The following LY6H variants were observed in gnomAD, a reference collection of about 807,000 sequenced individuals.
The protein encoded by LY6H is lymphocyte antigen 6 family member H.
In LY6H, 8 loss-of-function variants were observed where a neutral mutation model predicts 14.6. That is an observed-to-expected ratio of 0.55 (90% CI 0.32 to 0.99). LY6H has a LOEUF of 0.99. LY6H is among the 50% of genes least tolerant of loss of function. The pLI is 0.04. For synonymous variants in LY6H, 115 were observed against 97.2 expected (o/e 1.18, Z -1.08); for missense variants, 196 against 219.6 (o/e 0.89, Z 0.68).
chr8:143,158,348 A>G lies in LY6H; in HGVS notation c.388T>C (p.Leu130=), dbSNP rs1350621875. Residue 130 remains leucine (L), a synonymous_variant, in exon 4 of 4, where the codon TTG becomes CTG. Coordinates refer to ENST00000342752, the MANE Select transcript of LY6H (RefSeq NM_001135655.2). ...CCTGCCCCTGCCGCCCCATTGCACA[A>G]ATCCTTCTCGCAGCAGTCCACGTCG... ...KVDVDCCEKD[L]CNGAAGAGHS... The G allele has an allele frequency of 6.2e-7, 1 of 1,613,898 alleles. No individual in the cohort carries two copies. Among genetic ancestry groups the G allele is most frequent in the South Asian group, 1.1e-5 (1 of 91,088 alleles).
intron 1 of LY6H, 179 bp from the exon 2 acceptor site, chr8:143,159,888 C>T: frequency 8.7e-7 from 1 of 1,154,924 alleles, no homozygotes; most frequent in Middle Eastern, 3.2e-4. Flanking sequence ...GACGTCTGGC[C>T]TCTGGGGCGA....
chr8:143,159,950 G>A, intron 1 of LY6H: 2 of 1,239,020 alleles, frequency 1.6e-6, no homozygotes, highest in Non-Finnish European at 2.0e-6. Context: ...GTGGGGGAGC[G>A]GATGGGGGGC....
intron 1 of LY6H, 38 bp downstream of exon 1, chr8:143,160,160 C>G: frequency 7.9e-7 from 1 of 1,273,298 alleles, no homozygotes; most frequent in Non-Finnish European, 9.9e-7. Context: ...GCGGATGGGG[C>G]GTGGAGCGCG....
rs1274865717 is a variant in LY6H, at chr8:143,159,668, G to A, written c.44C>T (p.Ala15Val). Reference protein sequence around the residue: ...QRTRAPSPRAAPRPTRSMLPA... With the variant: ...QRTRAPSPRAVPRPTRSMLPA... Reference sequence around the variant, plus strand: ...CAGCATGCTCCGGGTGGGCCTGGGGGCGGCGCGGGGGCTTGGGGCGCGGGT... The same window carrying A: ...CAGCATGCTCCGGGTGGGCCTGGGGACGGCGCGGGGGCTTGGGGCGCGGGT... The change falls in exon 2 of 4, where the codon GCC becomes GTC. Residue 15 changes from alanine (A) to valine (V), a missense_variant. Transcript: ENST00000342752. 4 of 1,404,646 alleles carry A rather than the reference G, an allele frequency of 2.8e-6. No individual in the cohort carries two copies. The highest frequency in any genetic ancestry group is 3.7e-6 in the Non-Finnish European group (4 of 1,090,776). The allele number at this position is 1,404,646 out of a possible 1,614,324, so 87.0% of individuals were successfully genotyped here. A position where few individuals can be genotyped will look rare whatever the true frequency, so the allele number is the denominator to read the frequency against.
chr8:143,159,051 GC>G, intron 2 of LY6H, 129 bp from the exon 3 acceptor site: 1 of 1,319,316 alleles, frequency 7.6e-7, no homozygotes, highest in Non-Finnish European at 1.1e-6. Flanking sequence ...GAGGGAGCAG[GC>G]CCCCATGACC....
At chr8:143,159,500 G>A (rs1815540164) in intron 2 of LY6H, 82 bp downstream of exon 2, 3 of 1,392,256 alleles carry the variant, frequency 2.2e-6, no homozygotes, top group East Asian at 5.8e-5. Flanking sequence ...ACCGTCAGAG[G>A]GTGGCAGCCC....
intron 2 of LY6H, 142 bp downstream of exon 2, chr8:143,159,440 G>A: frequency 1.0e-6 from 1 of 977,118 alleles, no homozygotes; most frequent in Non-Finnish European, 1.4e-6. Flanking sequence ...CCGGGCTGGG[G>A]TCGCAGGGGT....
rs1391832786 is a variant in LY6H, at chr8:143,158,500, C to A, written c.251-15G>T. The A allele has an allele frequency of 2.5e-6, 4 of 1,598,196 alleles. No homozygotes were observed. The highest frequency in any genetic ancestry group is 3.4e-6 in the Non-Finnish European group (4 of 1,166,082). ...ATCCTTCCTGCCTGGGAAGAGAAAG[C>A]GTGGCCTGGGACGGGGGCTCCTCCT... On this transcript the variant is annotated splice_polypyrimidine_tract_variant and intron_variant, in intron 3 of 3. Transcript: ENST00000342752.
chr8:143,159,843 C>G, intron 1 of LY6H, 134 bp from the exon 2 acceptor site: 1 of 1,161,414 alleles, frequency 8.6e-7, no homozygotes, highest in Non-Finnish European at 1.1e-6. Context: ...AGCCCCTTCT[C>G]CAGAGCGTCC....
chr8:143,159,567 G>C lies in LY6H; in HGVS notation c.130+15C>G, dbSNP rs1252562778. 1.1e-5 allele frequency: 16 copies of C among 1,495,154 alleles called. No individual in the cohort carries two copies. The highest frequency in any genetic ancestry group is 1.4e-5 in the Non-Finnish European group (16 of 1,130,640). 92.6% of individuals were successfully genotyped at this position (1,495,154 alleles called of 1,614,324 possible). A position where few individuals can be genotyped will look rare whatever the true frequency, so the allele number is the denominator to read the frequency against. ...CTCCCAGGCACCTGACCCAGCCCGC[G>C]GGCCCCCTACTCACCGGGCGCCGAG... On this transcript the variant is annotated intron_variant, in intron 2 of 3. Transcript: ENST00000342752.
chr8:143,160,330 C>G (rs1815569941), upstream of LY6H: 4 of 691,714 alleles, frequency 5.8e-6, no homozygotes, highest in Non-Finnish European at 7.9e-6. Context: ...ACGCGGACCC[C>G]GCGCGAGGGG....
At chr8:143,159,067 G>C in intron 2 of LY6H, 145 bp from the exon 3 acceptor site, 2 of 1,169,364 alleles carry the variant, frequency 1.7e-6, no homozygotes, top group Non-Finnish European at 2.4e-6. Flanking sequence ...ATGACCCCTG[G>C]AGGGGGAGCA....
rs1396491422 is a variant in LY6H, at chr8:143,158,008, C to G, written c.*242G>C. On this transcript the variant is annotated 3_prime_UTR_variant, in exon 4 of 4. Transcript: ENST00000342752. Reference sequence around the variant, plus strand: ...CCCCTCCGGGACCTGGGGGTCCCCCCCCACCCTCATCCCCAGGCCTCCTGC... The same window carrying G: ...CCCCTCCGGGACCTGGGGGTCCCCCGCCACCCTCATCCCCAGGCCTCCTGC... 12 of 499,796 alleles carry G rather than the reference C, an allele frequency of 2.4e-5. No homozygotes were observed. The East Asian group carries it at 3.9e-4, about 16-fold the overall frequency. 31.0% of individuals were successfully genotyped at this position (499,796 alleles called of 1,614,324 possible).
intron 1 of LY6H, 25 bp downstream of exon 1, chr8:143,160,173 C>A: frequency 7.8e-7 from 1 of 1,281,390 alleles, no homozygotes; most frequent in Non-Finnish European, 9.9e-7. Flanking sequence ...GGAGCGCGGG[C>A]CTCGGGGTCG....
intron 3 of LY6H, 31 bp from the exon 4 acceptor site, chr8:143,158,516 G>A (rs1372848558): frequency 6.4e-7 from 1 of 1,556,762 alleles, no homozygotes; most frequent in Admixed American, 1.7e-5. Flanking sequence ...CTGGGACGGG[G>A]GCTCCTCCTG....
rs1301415135 is a variant in LY6H at position 143,160,295 on chromosome 8, C to A, written c.-96G>T. ...GCGGACCGGAATCCGGGCGCAGCCT[C>A]GTCTTTCGGGGAACGCAGCCGCAGA... On this transcript the variant is annotated 5_prime_UTR_variant, in exon 1 of 4. Transcript: ENST00000342752. 2.0e-5 allele frequency: 22 copies of A among 1,075,558 alleles called. No individual in the cohort carries two copies. Among genetic ancestry groups the A allele is most frequent in the Middle Eastern group, 3.3e-4 (1 of 3,020 alleles). 66.6% of individuals were successfully genotyped at this position (1,075,558 alleles called of 1,614,324 possible). A position where few individuals can be genotyped will look rare whatever the true frequency, so the allele number is the denominator to read the frequency against.
At chr8:143,159,891 T>C in intron 1 of LY6H, 182 bp from the exon 2 acceptor site, 23 of 1,147,348 alleles carry the variant, frequency 2.0e-5, no homozygotes, top group Non-Finnish European at 2.6e-5. Flanking sequence ...GTCTGGCCTC[T>C]GGGGCGAGGT....
chr8:143,159,309 G>T, intron 2 of LY6H: 1 of 545,536 alleles, frequency 1.8e-6, no homozygotes, highest in Non-Finnish European at 3.2e-6. Flanking sequence ...AGGAGGCCCG[G>T]GAGGCTCTCA....
intron 3 of LY6H, 111 bp from the exon 4 acceptor site, chr8:143,158,596 G>A (rs1815510547): frequency 1.7e-6 from 2 of 1,179,956 alleles, no homozygotes; most frequent in East Asian, 2.4e-5. Flanking sequence ...CCAGTAGGCA[G>A]GGCCGAGTCC....
Sources: gnomAD v4.1 joint callset for allele counts on GRCh38, gnomAD v4.1.1 for gene constraint, MANE v1.5 for transcripts, NCBI Gene and HGNC (gene_info 2026-07-23, HGNC 2026-07-21) for gene names.